Variants in KIF13B observed in about 807,000 individuals in gnomAD.
KIF13B encodes the protein kinesin-like protein KIF13B.
Under a neutral mutation model 222.0 loss-of-function variants are expected in KIF13B, and 127 were observed. That is an observed-to-expected ratio of 0.57 (90% CI 0.50 to 0.66). The LOEUF (loss-of-function observed/expected upper bound fraction) is 0.66. KIF13B is among the 30% of genes least tolerant of loss of function. The pLI is 0.00. For missense variants in KIF13B, 2,173 were observed against 2,379.0 expected (o/e 0.91, Z 1.80); for synonymous variants, 976 against 919.0 (o/e 1.06, Z -1.12).
At chr8:29,239,174 G>T (rs1279251826) in intron 2 of KIF13B, among the ~76,000 whole-genome samples, 1 of 152,300 alleles carries the variant, frequency 6.6e-6, no homozygotes, top group African/African-American at 2.4e-5. Context: ...AAGACAGAGG[G>T]CTAAGGAAGA....
intron 1 of KIF13B, among the ~76,000 whole-genome samples, chr8:29,260,681 A>G (rs1189281166): frequency 1.3e-5 from 2 of 151,602 alleles, no homozygotes. Flanking sequence ...CAGTGGCACG[A>G]TCTTGGCTCA....
At chr8:29,169,678 C>T (rs1586874079) in intron 10 of KIF13B, among the ~76,000 whole-genome samples, 2 of 152,318 alleles carry the variant, frequency 1.3e-5, no homozygotes, top group South Asian at 4.1e-4. Flanking sequence ...AAAGCCATGA[C>T]TGTTTGCTTT....
At chr8:29,135,157 C>T (rs904765239) in intron 21 of KIF13B, among the ~76,000 whole-genome samples, 12 of 152,254 alleles carry the variant, frequency 7.9e-5, no homozygotes, top group Middle Eastern at 3.4e-3. Context: ...GATCCTCCAG[C>T]CTCAGCCTCC....
At chr8:29,259,405 AC>A (rs912602456) in intron 1 of KIF13B, among the ~76,000 whole-genome samples, 5 of 152,106 alleles carry the variant, frequency 3.3e-5, no homozygotes, top group African/African-American at 1.2e-4. Context: ...TCCCGGTTCT[AC>A]CCCCTTAGGC....
At chr8:29,229,697 A>G (rs1282771866) in intron 2 of KIF13B, among the ~76,000 whole-genome samples, 1 of 152,144 alleles carries the variant, frequency 6.6e-6, no homozygotes, top group Non-Finnish European at 1.5e-5. Context: ...CAAGAAACCA[A>G]CTCTGAGCAA....
At chr8:29,167,003 T>G (rs1242674295) in intron 11 of KIF13B, among the ~76,000 whole-genome samples, 1 of 152,134 alleles carries the variant, frequency 6.6e-6, no homozygotes, top group Non-Finnish European at 1.5e-5. Context: ...CAAATGAGAT[T>G]CAACAAAAAT....
intron 2 of KIF13B, among the ~76,000 whole-genome samples, chr8:29,214,710 C>T (rs1038085510): frequency 3.3e-5 from 5 of 152,122 alleles, no homozygotes. Context: ...TATTATATAC[C>T]ATGCATAATT....
chr8:29,107,235 A>T (rs1412765843), intron 35 of KIF13B, among the ~76,000 whole-genome samples: 1 of 152,134 alleles, frequency 6.6e-6, no homozygotes, highest in Non-Finnish European at 1.5e-5. Flanking sequence ...TCTCTACAAA[A>T]ATCTGATTTG....
At position 29,148,666 on chromosome 8, in the gene KIF13B, C is replaced by A. The variant is rs1208589568; in HGVS notation, c.1724G>T (p.Gly575Val). The change falls in exon 16 of 40, where the codon GGA becomes GTA. Residue 575 changes from glycine to valine, a missense_variant. Physicochemically the swap from Gly to Val is moderately radical, Grantham distance 109. Transcript: ENST00000524189. ...ACTGGACACCTCGCTGGAGGAGTCTCCGTCTACATCCAGCTGCTCAGAACT... is the reference window on the plus strand; with the variant it reads ...ACTGGACACCTCGCTGGAGGAGTCTACGTCTACATCCAGCTGCTCAGAACT... ...ENSSEQLDVD[G>V]DSSSEVSSEV... 1 of 1,612,770 alleles carries A rather than the reference C, an allele frequency of 6.2e-7. No homozygotes were observed. Among genetic ancestry groups the A allele is most frequent in the African/African-American group, 1.3e-5 (1 of 74,912 alleles).
intron 35 of KIF13B, among the ~76,000 whole-genome samples, chr8:29,102,944 A>C (rs558746726): frequency 1.5e-4 from 23 of 152,374 alleles, no homozygotes; most frequent in African/African-American, 5.5e-4. Context: ...AACTTTGGAA[A>C]TAAAAATGAT....
At chr8:29,109,776 CA>C in intron 33 of KIF13B, 141 bp downstream of exon 33, 1 of 852,798 alleles carries the variant, frequency 1.2e-6, no homozygotes, top group Middle Eastern at 3.3e-4. Context: ...GACCCAATTA[CA>C]ATCACTCTGG....
chr8:29,167,608 G>T, intron 10 of KIF13B, 23 bp from the exon 11 acceptor site: 1 of 1,585,436 alleles, frequency 6.3e-7, no homozygotes, highest in South Asian at 1.1e-5. Context: ...ACAGAAAGTT[G>T]AGTAGCATAT....
At chr8:29,122,746 A>G (rs1809932337) in intron 28 of KIF13B, 100 bp from the exon 29 acceptor site, 1 of 918,658 alleles carries the variant, frequency 1.1e-6, no homozygotes, top group Admixed American at 2.1e-5. Context: ...GTTACAGGGC[A>G]AAGCAGTAAT....
At position 29,228,043 on chromosome 8, in the gene KIF13B, GT is replaced by G. The variant is rs370060157; in HGVS notation, c.149+17302del. Among the ~76,000 whole-genome samples the G allele has an allele frequency of 4.7e-3, 685 of 145,936 alleles. 6 individuals carry two copies. Among genetic ancestry groups the G allele is most frequent in the African/African-American group, 0.015 (587 of 39,780 alleles). On this transcript the variant is annotated intron_variant, in intron 2 of 39. Transcript: ENST00000524189. Reference sequence around the variant, plus strand: ...CACTGGAAATTTTTTTTATAATTTGGTTTTTTTTTTTCCTTTCAAAGTACAT... The same window carrying G: ...CACTGGAAATTTTTTTTATAATTTGGTTTTTTTTTTCCTTTCAAAGTACAT...
intron 2 of KIF13B, among the ~76,000 whole-genome samples, chr8:29,206,848 G>C (rs1026252758): frequency 6.6e-6 from 1 of 151,238 alleles, no homozygotes; most frequent in Admixed American, 6.6e-5. Flanking sequence ...TGGGGTTTGC[G>C]GAAGTGGAAG....
At chr8:29,196,398 T>C (rs1183003030) in intron 2 of KIF13B, among the ~76,000 whole-genome samples, 199 bp from the exon 3 acceptor site, 2 of 152,218 alleles carry the variant, frequency 1.3e-5, no homozygotes, top group Non-Finnish European at 2.9e-5. Context: ...TAAGACAGGC[T>C]GCTAATCACA....
chr8:29,159,416 C>T (rs1811674918), intron 13 of KIF13B, among the ~76,000 whole-genome samples: 1 of 152,154 alleles, frequency 6.6e-6, no homozygotes, highest in Non-Finnish European at 1.5e-5. Context: ...TCCCAAAGTG[C>T]TGGGATTACA....
At chr8:29,193,981 C>CT (rs59285182) in intron 3 of KIF13B, among the ~76,000 whole-genome samples, 27,266 of 133,912 alleles carry the variant, frequency 0.2, 3,379 homozygotes, top group African/African-American at 0.35. Context: ...CCACGCCTGG[C>CT]TTTTTTTTTT....
At chr8:29,167,062 G>A (rs771412498) in intron 11 of KIF13B, among the ~76,000 whole-genome samples, 1 of 152,084 alleles carries the variant, frequency 6.6e-6, no homozygotes, top group East Asian at 1.9e-4. Flanking sequence ...CATACACATG[G>A]TCTCCAGCAT....
Sources: gnomAD v4.1 joint callset for allele counts (sites outside exome capture counted in the v4.1 genomes callset) on GRCh38, gnomAD v4.1.1 for gene constraint, MANE v1.5 for transcripts, NCBI Gene and HGNC (gene_info 2026-07-23, HGNC 2026-07-21) for gene names.